Variants in ZNF546 observed in about 807,000 individuals in gnomAD.
ZNF546 encodes zinc finger protein 546, also known as CTC-471F3.6.
A neutral mutation model predicts 76.2 loss-of-function variants in ZNF546; 60 were observed. The observed-to-expected ratio is 0.79, with a 90% CI of 0.64 to 0.98. ZNF546 has a LOEUF of 0.98. Among genes scored for constraint, ZNF546 ranks in the 50% least tolerant of loss-of-function variants. The pLI, the probability that ZNF546 is intolerant of heterozygous loss-of-function variation, is 0.00. For missense variants in ZNF546, 936 were observed against 1,035.6 expected, an observed-to-expected ratio of 0.90 and a Z score of 1.32; for synonymous variants, 277 against 328.1, an observed-to-expected ratio of 0.84 and a Z score of 1.68.
chr19:40,014,022 G>C lies in ZNF546; in HGVS notation c.752G>C (p.Gly251Ala). The C allele has an allele frequency of 5.0e-6, 8 of 1,612,262 alleles. No individual in the cohort carries two copies. Among genetic ancestry groups the C allele is most frequent in the Non-Finnish European group, 6.8e-6 (8 of 1,178,718 alleles). Residue 251 changes from glycine to alanine, a missense_variant, in exon 7 of 7, where the codon GGA becomes GCA. Gly to Ala is a moderately conservative substitution (Grantham distance 60). Transcript: ENST00000347077. Reference sequence around the variant, plus strand: ...AGACCCTATAAATGTATGGAATGTGGAAAGGCCTTTTGTCGAGTGGGAGAC... The same window carrying C: ...AGACCCTATAAATGTATGGAATGTGCAAAGGCCTTTTGTCGAGTGGGAGAC... The part of the protein sequence containing the change: ...GERPYKCMEC[G>A]KAFCRVGDLR...
chr19:40,000,067 A>C (rs145052544), intron 3 of ZNF546, among the ~76,000 whole-genome samples: 1 of 152,244 alleles, frequency 6.6e-6, no homozygotes, highest in Non-Finnish European at 1.5e-5. Context: ...CTCTGTGCAC[A>C]TAGGGAGAAG....
chr19:40,008,017 A>T (rs181092808), intron 5 of ZNF546, among the ~76,000 whole-genome samples: 1 of 152,336 alleles, frequency 6.6e-6, no homozygotes, highest in Non-Finnish European at 1.5e-5. Flanking sequence ...AATACTATAT[A>T]CTGGGCATAT....
chr19:40,019,069 G>A lies in ZNF546; in HGVS notation c.*3288G>A, dbSNP rs1168132415. On this transcript the variant is annotated 3_prime_UTR_variant, in exon 7 of 7. Coordinates refer to ENST00000347077, the MANE Select transcript of ZNF546 (RefSeq NM_178544.5). ...TTTAATTTAGTAAACGATCTGTAGA[G>A]TAGTACTTTGGCATTTCGGAAATTT... 1 of 152,168 alleles carries A rather than the reference G, an allele frequency of 6.6e-6. No homozygotes were observed. The highest frequency in any genetic ancestry group is 1.5e-5 in the Non-Finnish European group (1 of 68,038). 9.4% of individuals were successfully genotyped at this position (152,168 alleles called of 1,614,324 possible). A position where few individuals can be genotyped will look rare whatever the true frequency, so the allele number is the denominator to read the frequency against.
At chr19:40,009,378 T>C (rs981283504) in intron 6 of ZNF546, among the ~76,000 whole-genome samples, 3 of 152,258 alleles carry the variant, frequency 2.0e-5, no homozygotes, top group Non-Finnish European at 2.9e-5. Context: ...CTTGGGAATA[T>C]ATGGAAGTGG....
chr19:39,998,439 A>T, intron 3 of ZNF546, 29 bp downstream of exon 3: 4 of 1,577,058 alleles, frequency 2.5e-6, no homozygotes, highest in Non-Finnish European at 3.5e-6. Context: ...TGGAGTCTAA[A>T]GTTAAAACTT....
chr19:40,008,605 G>A, intron 6 of ZNF546, 40 bp downstream of exon 6: 1 of 1,532,542 alleles, frequency 6.5e-7, no homozygotes, highest in Non-Finnish European at 9.0e-7. Flanking sequence ...GCTATCACAA[G>A]TTATGACCCA....
At position 40,013,850 on chromosome 19, in the gene ZNF546, A is replaced by T. The variant is rs1971705924; in HGVS notation, c.580A>T (p.Ser194Cys). The T allele has an allele frequency of 6.2e-7, 1 of 1,608,670 alleles. No individual in the cohort carries two copies. The highest frequency in any genetic ancestry group is 8.5e-7 in the Non-Finnish European group (1 of 1,178,158). Reference protein sequence around the residue: ...RQERHQMGCVSQMLIQKQISH... With the variant: ...RQERHQMGCVCQMLIQKQISH... The stretch of plus-strand genomic sequence containing the variant: ...AGAGAGACATCAGATGGGATGCGTT[A>T]GTCAAATGCTAATCCAAAAACAAAT... The change falls in exon 7 of 7, where the codon AGT (serine) becomes TGT (cysteine). Residue 194 changes from serine (S) to cysteine (C), a missense_variant. Transcript: ENST00000347077.
At chr19:40,000,854 C>T (rs1233666907) in intron 3 of ZNF546, among the ~76,000 whole-genome samples, 1 of 151,992 alleles carries the variant, frequency 6.6e-6, no homozygotes, top group Non-Finnish European at 1.5e-5. Context: ...GATTCAAGCA[C>T]ATTACATTTA....
In ZNF546 at chr19:40,007,302, T is replaced by C. The variant is rs770380153; in HGVS notation, c.200T>C (p.Ile67Thr). The C allele has an allele frequency of 6.2e-7, 1 of 1,602,430 alleles. No individual in the cohort carries two copies. The highest frequency in any genetic ancestry group is 1.7e-5 in the Admixed American group (1 of 59,272). The part of the protein sequence containing the change: ...NVSLAFRDVS[I>T]DLSQEEWECL... The stretch of plus-strand genomic sequence containing the variant: ...TCTTTGGCATTTAGGGATGTGTCCA[T>C]AGACCTCTCCCAAGAGGAGTGGGAG... The change falls in exon 5 of 7, where the codon ATA (isoleucine) becomes ACA (threonine). Residue 67 changes from isoleucine to threonine, a missense_variant. Ile to Thr is a moderately conservative substitution (Grantham distance 89). Transcript: ENST00000347077.
chr19:40,008,683 GA>G, intron 6 of ZNF546, 118 bp downstream of exon 6: 7 of 625,800 alleles, frequency 1.1e-5, no homozygotes, highest in East Asian at 2.6e-5. Flanking sequence ...GAGGCCTGTG[GA>G]AAAAGGACTG....
In ZNF546 at chr19:39,997,083, C is replaced by T. The variant is rs1481816902; in HGVS notation, c.-209C>T. On this transcript the variant is annotated 5_prime_UTR_variant, in exon 1 of 7. Transcript: ENST00000347077. ...GCAGTGTTGCCTGGACCCCAAGGGC[C>T]CTTTACATTGCGTTCTTAACGGTTC... 4 of 152,264 alleles carry T rather than the reference C, an allele frequency of 2.6e-5. No individual in the cohort carries two copies. The highest frequency in any genetic ancestry group is 4.1e-4 in the South Asian group (2 of 4,834). 9.4% of individuals were successfully genotyped at this position (152,264 alleles called of 1,614,324 possible).
rs1166436181 is a variant in ZNF546, at chr19:40,014,510, G to A, written c.1240G>A (p.Glu414Lys). The A allele has an allele frequency of 6.2e-6, 10 of 1,613,546 alleles. No individual in the cohort carries two copies. The highest frequency in any genetic ancestry group is 2.2e-5 in the East Asian group (1 of 44,864). Residue 414 changes from glutamate to lysine, a missense_variant, in exon 7 of 7, where the codon GAA (glutamate) becomes AAA (lysine). Transcript: ENST00000347077. ...AATTCATACTGGTGAAAAACCCTAC[G>A]AATGTAAAGAATGTGGTAAGTCCTT... ...QKIHTGEKPY[E>K]CKECGKSFSF...
intron 3 of ZNF546, among the ~76,000 whole-genome samples, chr19:40,003,725 C>A (rs936335045): frequency 1.3e-5 from 2 of 152,030 alleles, no homozygotes; most frequent in Non-Finnish European, 2.9e-5. Flanking sequence ...AATATAACAG[C>A]TGTTGGCCAG....
Position 40,014,002 on chromosome 19 carries a change from C to G in ZNF546, c.732C>G (p.Pro244=). 1 of 1,612,638 alleles carries G rather than the reference C, an allele frequency of 6.2e-7. No homozygotes were observed. Among genetic ancestry groups the G allele is most frequent in the Non-Finnish European group, 8.5e-7 (1 of 1,179,068 alleles). ...TGAGAATTCACACTGGTGAGAGACC[C>G]TATAAATGTATGGAATGTGGAAAGG... ...QHLRIHTGER[P]YKCMECGKAF... The change falls in exon 7 of 7, where the codon CCC becomes CCG. Residue 244 remains proline (P), a synonymous_variant. Coordinates refer to ENST00000347077, the MANE Select transcript of ZNF546 (RefSeq NM_178544.5).
At chr19:39,997,582 A>G (rs1475606631) in intron 1 of ZNF546, among the ~76,000 whole-genome samples, 2 of 152,188 alleles carry the variant, frequency 1.3e-5, no homozygotes, top group Non-Finnish European at 2.9e-5. Flanking sequence ...GTGTCCCTAA[A>G]ACAGACTCCT....
intron 3 of ZNF546, among the ~76,000 whole-genome samples, chr19:39,999,067 C>A (rs1318809627): frequency 3.3e-5 from 5 of 152,182 alleles, no homozygotes; most frequent in African/African-American, 1.2e-4. Context: ...ACCACCGCAC[C>A]CAGCCGCAAA....
At chr19:40,001,970 G>A (rs1971536709) in intron 3 of ZNF546, among the ~76,000 whole-genome samples, 1 of 152,192 alleles carries the variant, frequency 6.6e-6, no homozygotes, top group African/African-American at 2.4e-5. Flanking sequence ...GATAGGTGCT[G>A]TTTTTATCCC....
intron 6 of ZNF546, among the ~76,000 whole-genome samples, chr19:40,011,695 T>A (rs1971673853): frequency 6.6e-6 from 1 of 152,236 alleles, no homozygotes; most frequent in African/African-American, 2.4e-5. Context: ...TATAAGTCAG[T>A]ATCTTTCATG....
Position 40,013,977 on chromosome 19 carries a change from TGA to T in ZNF546, c.710_711del (p.Arg237AsnfsTer5), listed in dbSNP as rs1156547451. On this transcript the variant is annotated frameshift_variant, in exon 7 of 7. Transcript: ENST00000347077. LOFTEE classifies it high-confidence loss of function. ...CAACAGTCATACCTTATTCAACATC[TGA>T]GAATTCACACTGGTGAGAGACCCTA... 1.2e-6 allele frequency: 2 copies of T among 1,612,776 alleles called. No homozygotes were observed.
Sources: allele counts gnomAD v4.1 joint callset (sites outside exome capture counted in the v4.1 genomes callset), GRCh38; gene constraint gnomAD v4.1.1; transcripts MANE v1.5; gene names NCBI Gene and HGNC (gene_info 2026-07-23, HGNC 2026-07-21).